Variants in ORC3 observed in about 807,000 individuals in gnomAD.
ORC3 encodes origin recognition complex subunit 3.
Under a neutral mutation model 100.7 loss-of-function variants are expected in ORC3, and 78 were observed. The ratio of observed to expected loss-of-function variants is 0.77; its 90% CI spans 0.65 to 0.94. ORC3 has a LOEUF of 0.94. ORC3 is among the 40% of genes least tolerant of loss of function. ORC3 has a pLI of 0.00. For synonymous variants in ORC3, 295 were observed against 289.3 expected (o/e 1.02, Z -0.20); for missense variants, 789 against 823.9 (o/e 0.96, Z 0.52).
the ORC3 span, among the ~76,000 whole-genome samples, chr6:87,677,379 T>C: frequency 3.3e-5 from 5 of 152,220 alleles, no homozygotes; most frequent in African/African-American, 1.2e-4. Flanking sequence ...TTACCATACA[T>C]AATAAATTTT....
chr6:87,629,256 T>G (rs1283062913), intron 11 of ORC3, among the ~76,000 whole-genome samples: 1 of 152,210 alleles, frequency 6.6e-6, no homozygotes, highest in Non-Finnish European at 1.5e-5. Context: ...AATTCAACAG[T>G]CTGTTTTACC....
At chr6:87,666,281 G>A (rs1770603854) in intron 19 of ORC3, among the ~76,000 whole-genome samples, 1 of 152,006 alleles carries the variant, frequency 6.6e-6, no homozygotes, top group Middle Eastern at 3.4e-3. Context: ...ACAGGTGCCT[G>A]CCACCAAGCC....
At chr6:87,606,553 C>G (rs530332584) in intron 5 of ORC3, among the ~76,000 whole-genome samples, 55 of 150,080 alleles carry the variant, frequency 3.7e-4, no homozygotes, top group African/African-American at 1.1e-3. Context: ...TCTTTTGAGA[C>G]AGGGTCTCAC....
At chr6:87,674,081 A>C in the ORC3 span, among the ~76,000 whole-genome samples, 2 of 151,986 alleles carry the variant, frequency 1.3e-5, no homozygotes, top group Admixed American at 6.6e-5. Flanking sequence ...TGGGCAGATC[A>C]CCTGAGGTCA....
chr6:87,657,075 T>G (rs752785724), intron 15 of ORC3, 93 bp downstream of exon 15: 3 of 864,180 alleles, frequency 3.5e-6, no homozygotes, highest in African/African-American at 3.3e-5. Context: ...TGTTTTTGTT[T>G]TCATTTTTAA....
chr6:87,595,908 A>T (rs770976615), intron 2 of ORC3, among the ~76,000 whole-genome samples: 17 of 152,076 alleles, frequency 1.1e-4, no homozygotes, highest in South Asian at 4.1e-4. Flanking sequence ...ATCATAGCTC[A>T]CTTCAGCCTT....
chr6:87,636,809 G>A (rs1047558691), intron 13 of ORC3, among the ~76,000 whole-genome samples: 1 of 152,150 alleles, frequency 6.6e-6, no homozygotes, highest in African/African-American at 2.4e-5. Flanking sequence ...CATCATGGCA[G>A]GGAAAGCAAG....
At chr6:87,668,722 C>A (rs1936843505), downstream of ORC3, among the ~76,000 whole-genome samples, 2 of 152,202 alleles carry the variant, frequency 1.3e-5, no homozygotes. Flanking sequence ...GCAGCTCGCG[C>A]CTGTAATCCC....
chr6:87,611,956 G>T, intron 7 of ORC3, 133 bp from the exon 8 acceptor site: 1 of 739,234 alleles, frequency 1.4e-6, no homozygotes, highest in Non-Finnish European at 2.1e-6. Context: ...AAATTTTAGT[G>T]TTTGCAATGA....
intron 11 of ORC3, among the ~76,000 whole-genome samples, chr6:87,629,109 A>T (rs1350708340): frequency 1.3e-5 from 2 of 152,214 alleles, no homozygotes; most frequent in African/African-American, 4.8e-5. Flanking sequence ...TTCTTATTAG[A>T]TAGCAGTAAT....
At chr6:87,599,285 A>G (rs1583001912) in intron 2 of ORC3, among the ~76,000 whole-genome samples, 1 of 152,162 alleles carries the variant, frequency 6.6e-6, no homozygotes, top group Admixed American at 6.5e-5. Context: ...GATTTTACCT[A>G]TTAATGTAAA....
intron 5 of ORC3, 22 bp from the exon 6 acceptor site, chr6:87,607,651 T>C (rs1778439228): frequency 6.4e-7 from 1 of 1,561,734 alleles, no homozygotes; most frequent in Non-Finnish European, 8.7e-7. Context: ...AGATAAGCTT[T>C]CTTACTTTTT....
chr6:87,649,241 G>C (rs1335348805), intron 13 of ORC3, among the ~76,000 whole-genome samples: 1 of 152,014 alleles, frequency 6.6e-6, no homozygotes, highest in East Asian at 1.9e-4. Context: ...TGCTATCCCT[G>C]TGACATAACA....
chr6:87,597,935 T>C (rs1421970670), intron 2 of ORC3, among the ~76,000 whole-genome samples: 1 of 152,132 alleles, frequency 6.6e-6, no homozygotes, highest in Non-Finnish European at 1.5e-5. Flanking sequence ...CCCATTATCA[T>C]TAGGGACACA....
intron 13 of ORC3, among the ~76,000 whole-genome samples, chr6:87,647,110 G>A (rs935402670): frequency 1.3e-5 from 2 of 152,018 alleles, no homozygotes; most frequent in Admixed American, 1.3e-4. Flanking sequence ...CTCCCCTACA[G>A]GTTCTTCTCA....
In ORC3 at chr6:87,621,953, C is replaced by A; in HGVS notation, c.1125C>A (p.Tyr375Ter). ...TATGGAATGGTGAAAATTCTAGGTA[C>A]GTGGAAAAGCAAGCTTCAGAAAAGC... ...NIRRLPSFRRYVEKQASEKQV... is the reference protein window; with the variant it reads ...NIRRLPSFRR The change falls in exon 11 of 20, where the codon TAC becomes TAA. Residue 375 changes from tyrosine (Y) to a stop codon, truncating the protein, a stop_gained. Coordinates refer to ENST00000392844, the MANE Select transcript of ORC3 (RefSeq NM_012381.4). LOFTEE classifies it high-confidence loss of function. 6.2e-7 allele frequency: 1 copy of A among 1,600,418 alleles called. No homozygotes were observed. Among genetic ancestry groups the A allele is most frequent in the Non-Finnish European group, 8.5e-7 (1 of 1,170,184 alleles).
chr6:87,634,694 A>C (rs1385903777), intron 11 of ORC3, 151 bp from the exon 12 acceptor site: 1 of 590,432 alleles, frequency 1.7e-6, no homozygotes, highest in East Asian at 2.9e-5. Flanking sequence ...TGTATTCTGG[A>C]TTTTATATGT....
the ORC3 span, among the ~76,000 whole-genome samples, chr6:87,674,818 T>C: frequency 6.6e-6 from 1 of 151,630 alleles, no homozygotes; most frequent in African/African-American, 2.4e-5. Flanking sequence ...GAAACAGCAC[T>C]CAAATCTTAG....
At chr6:87,601,637 A>C (rs1407851004) in intron 2 of ORC3, 147 bp from the exon 3 acceptor site, 5 of 585,044 alleles carry the variant, frequency 8.5e-6, no homozygotes, top group Middle Eastern at 4.7e-4. Flanking sequence ...ATGCCACTGC[A>C]CTCCAGCCTG....
Sources: gnomAD v4.1 joint callset for allele counts (sites outside exome capture counted in the v4.1 genomes callset) on GRCh38, gnomAD v4.1.1 for gene constraint, MANE v1.5 for transcripts, NCBI Gene and HGNC (gene_info 2026-07-23, HGNC 2026-07-21) for gene names.